Variants in NSD1 observed in about 807,000 individuals in gnomAD.
NSD1 encodes the protein histone-lysine N-methyltransferase, H3 lysine-36 specific.
A neutral mutation model predicts 242.7 loss-of-function variants in NSD1; 26 were observed. The ratio of observed to expected loss-of-function variants is 0.11; its 90% CI spans 0.08 to 0.15. The LOEUF (loss-of-function observed/expected upper bound fraction) is 0.15. Ranked by LOEUF, NSD1 falls within the 10% of genes least tolerant of loss-of-function variation. The pLI is 1.00. For synonymous variants in NSD1, 1,106 were observed against 1,178.1 expected (o/e 0.94, Z 1.25); for missense variants, 2,495 against 3,272.8 (o/e 0.76, Z 5.80).
chr5:177,219,826 G>A (rs1764094054), intron 5 of NSD1, among the ~76,000 whole-genome samples: 1 of 152,152 alleles, frequency 6.6e-6, no homozygotes, highest in Non-Finnish European at 1.5e-5. Flanking sequence ...GCTGGGCATG[G>A]TTGCTCATGC....
chr5:177,173,648 T>G (rs1759920268), intron 2 of NSD1, among the ~76,000 whole-genome samples: 1 of 151,970 alleles, frequency 6.6e-6, no homozygotes, highest in African/African-American at 2.4e-5. Context: ...TAATTTTGTA[T>G]TTTTAGTAGA....
intron 2 of NSD1, among the ~76,000 whole-genome samples, chr5:177,175,735 AAAT>A (rs1347198732): frequency 6.6e-6 from 1 of 152,214 alleles, no homozygotes; most frequent in Non-Finnish European, 1.5e-5. Flanking sequence ...GCCATATGGA[AAAT>A]AATACTTTGT....
chr5:177,223,326 C>T (rs539112769), intron 5 of NSD1, among the ~76,000 whole-genome samples: 1 of 152,144 alleles, frequency 6.6e-6, no homozygotes. Flanking sequence ...AATCCCAGCA[C>T]TTTTGGGAGG....
At position 177,295,076 on chromosome 5, in the gene NSD1, C is replaced by G. The variant is rs1263369345; in HGVS notation, c.7708C>G (p.Leu2570Val). 1.9e-6 allele frequency: 3 copies of G among 1,612,014 alleles called. No homozygotes were observed. Among genetic ancestry groups the G allele is most frequent in the Non-Finnish European group, 2.5e-6 (3 of 1,178,804 alleles). The change falls in exon 23 of 23, where the codon CTT becomes GTT. Residue 2570 changes from leucine to valine, a missense_variant. This residue lies in a region of NSD1 where 475 missense variants were observed against 563.7 expected (regional missense o/e 0.84). Coordinates refer to ENST00000439151, the MANE Select transcript of NSD1 (RefSeq NM_022455.5). This position sits in a 1 kb window ranked among gnomAD's most constrained non-coding sequence, Gnocchi z 4.3. ...AGGGGCTGAGCAGACCCCAGGGCCT[C>G]TTAGCCAATCCCCGGGCCTGGTGAA... ...SAGAEQTPGP[L>V]SQSPGLVKQA...
At chr5:177,216,548 A>C (rs977886570) in intron 5 of NSD1, among the ~76,000 whole-genome samples, 1 of 152,028 alleles carries the variant, frequency 6.6e-6, no homozygotes, top group Non-Finnish European at 1.5e-5. Context: ...GTTCTTCAGC[A>C]TGTGCATATC....
chr5:177,284,802 C>T (rs1759175085), intron 20 of NSD1, among the ~76,000 whole-genome samples: 1 of 152,154 alleles, frequency 6.6e-6, no homozygotes, highest in Admixed American at 6.5e-5. Flanking sequence ...GGACCCAAGG[C>T]TATTTTAAAA....
At chr5:177,167,665 G>A (rs536158243) in intron 2 of NSD1, among the ~76,000 whole-genome samples, 2 of 152,188 alleles carry the variant, frequency 1.3e-5, no homozygotes, top group Admixed American at 6.6e-5. Context: ...CTGCTTCTGC[G>A]AGTTCTTCAG....
At chr5:177,137,731 A>C (rs1174294451) in intron 2 of NSD1, among the ~76,000 whole-genome samples, 1 of 152,142 alleles carries the variant, frequency 6.6e-6, no homozygotes, top group African/African-American at 2.4e-5. Flanking sequence ...AAGCATACAA[A>C]TAGAATTGTA....
intron 3 of NSD1, among the ~76,000 whole-genome samples, chr5:177,193,221 A>G (rs1223729099): frequency 6.6e-6 from 1 of 151,988 alleles, no homozygotes; most frequent in African/African-American, 2.4e-5. Flanking sequence ...GCTCACTGCA[A>G]GCTCTGCCTG....
chr5:177,273,578 C>T (rs1267366800), intron 16 of NSD1, 94 bp from the exon 17 acceptor site: 4 of 967,746 alleles, frequency 4.1e-6, no homozygotes, highest in Non-Finnish European at 6.6e-6. Flanking sequence ...CATGGAGTTT[C>T]TCCAACTTAA....
At chr5:177,250,995 G>T (rs1311845992) in intron 11 of NSD1, among the ~76,000 whole-genome samples, 6 of 152,102 alleles carry the variant, frequency 3.9e-5, no homozygotes, top group Non-Finnish European at 8.8e-5. Flanking sequence ...TTTGAGACCA[G>T]CCTGGCCAAC....
intron 10 of NSD1, chr5:177,247,786 TCA>T (rs1341850605): frequency 2.3e-6 from 1 of 429,740 alleles, no homozygotes; most frequent in African/African-American, 2.1e-5. Context: ...CAGGTCAGCA[TCA>T]CACATTATGA....
At position 177,251,866 on chromosome 5, in the gene NSD1, T is replaced by C. The variant is rs1378787432; in HGVS notation, c.4765+13T>C. On this transcript the variant is annotated intron_variant, in intron 12 of 22. Transcript: ENST00000439151. ...GAATGTCGCACAGGTAAAGTAGATA[T>C]CGAACGGTCTTCCTCCAAAGAAAGT... 4 of 1,614,116 alleles carry C rather than the reference T, an allele frequency of 2.5e-6. No individual in the cohort carries two copies. The highest frequency in any genetic ancestry group is 2.2e-5 in the South Asian group (2 of 91,082).
At chr5:177,154,953 C>T (rs2149781579) in intron 2 of NSD1, among the ~76,000 whole-genome samples, 1 of 152,024 alleles carries the variant, frequency 6.6e-6, no homozygotes, top group East Asian at 1.9e-4. Flanking sequence ...ACCTCAGCCT[C>T]CCAAAGTGCT....
At chr5:177,291,425 C>G (rs1003130579) in intron 21 of NSD1, among the ~76,000 whole-genome samples, 1 of 152,134 alleles carries the variant, frequency 6.6e-6, no homozygotes, top group African/African-American at 2.4e-5. Flanking sequence ...GAGGCCAAAG[C>G]GGGTGGGTCA....
At chr5:177,217,347 A>C (rs1312074746) in intron 5 of NSD1, among the ~76,000 whole-genome samples, 1 of 152,124 alleles carries the variant, frequency 6.6e-6, no homozygotes, top group African/African-American at 2.4e-5. Context: ...TGTATCTTGG[A>C]ACTTTGCCGA....
chr5:177,218,821 G>A lies in NSD1; in HGVS notation c.3796+6626G>A, dbSNP rs376894152. Among the ~76,000 whole-genome samples the A allele has an allele frequency of 4.0e-5, 6 of 151,680 alleles. No individual in the cohort carries two copies. The South Asian group carries it at 6.3e-4, about 16-fold the overall frequency. On this transcript the variant is annotated intron_variant, in intron 5 of 22. Transcript: ENST00000439151. ...CCTGACCTTGTGATCCGCCCTCCTC[G>A]GCCTCTCAAAGTGCTGGGATTACAT...
At chr5:177,232,978 C>T (rs1375528620) in intron 5 of NSD1, among the ~76,000 whole-genome samples, 1 of 152,184 alleles carries the variant, frequency 6.6e-6, no homozygotes, top group African/African-American at 2.4e-5. Context: ...AGTAACTGTG[C>T]TGGGATGTGC....
intron 17 of NSD1, among the ~76,000 whole-genome samples, chr5:177,275,583 G>A (rs968433176): frequency 2.5e-4 from 38 of 150,968 alleles, no homozygotes; most frequent in Admixed American, 1.3e-3. Flanking sequence ...ACAGGCGCCC[G>A]CCACCACACC....
Sources: allele counts gnomAD v4.1 joint callset (sites outside exome capture counted in the v4.1 genomes callset), GRCh38; gene constraint gnomAD v4.1.1; regional missense constraint gnomAD v4.1.1; non-coding constraint Gnocchi (gnomAD v3.1); transcripts MANE v1.5; gene names NCBI Gene and HGNC (gene_info 2026-07-23, HGNC 2026-07-21).